NEK1: variants seen among roughly 807,000 people sequenced by gnomAD.
NEK1 encodes the protein serine/threonine-protein kinase Nek1.
Under a neutral mutation model 182.1 loss-of-function variants are expected in NEK1, and 137 were observed. That is an observed-to-expected ratio of 0.75 (90% CI 0.65 to 0.87). The LOEUF (loss-of-function observed/expected upper bound fraction) is 0.87. NEK1 is among the 40% of genes least tolerant of loss of function. The pLI, the probability that NEK1 is intolerant of heterozygous loss-of-function variation, is 0.00. For missense variants in NEK1, 1,391 were observed against 1,494.4 expected (o/e 0.93, Z 1.14); for synonymous variants, 513 against 492.2 (o/e 1.04, Z -0.56).
At position 169,602,141 on chromosome 4, in the gene NEK1, C is replaced by G. The variant is rs767969370; in HGVS notation, c.118-37G>C. 2.1e-6 allele frequency: 3 copies of G among 1,416,856 alleles called. No homozygotes were observed. The African/African-American group carries it at 4.2e-5, about 20-fold the overall frequency. 87.8% of individuals were successfully genotyped at this position (1,416,856 alleles called of 1,614,324 possible). On this transcript the variant is annotated intron_variant, in intron 3 of 35. Transcript: ENST00000507142. ...GGAAAAAGAAAATAGTAAATGAAAC[C>G]ATTAATAAACAACCTAAAAGTCCAT...
chr4:169,448,112 T>A (rs530517811), intron 27 of NEK1, among the ~76,000 whole-genome samples: 32 of 151,796 alleles, frequency 2.1e-4, no homozygotes, highest in Non-Finnish European at 3.8e-4. Flanking sequence ...ATGCTTGTAG[T>A]CCCAGCTGCT....
intron 31 of NEK1, among the ~76,000 whole-genome samples, chr4:169,422,168 C>A (rs978082853): frequency 1.1e-4 from 17 of 152,152 alleles, no homozygotes; most frequent in African/African-American, 3.6e-4. Flanking sequence ...CTGAACAGAG[C>A]CGCTTCAGTG....
intron 4 of NEK1, among the ~76,000 whole-genome samples, chr4:169,600,463 G>T (rs1317797574): frequency 6.6e-6 from 1 of 152,056 alleles, no homozygotes; most frequent in Non-Finnish European, 1.5e-5. Flanking sequence ...TCCCGAAGTT[G>T]CTGAAATTAC....
chr4:169,401,712 C>T lies in NEK1; in HGVS notation c.3523G>A (p.Val1175Met), dbSNP rs1731722530. The change falls in exon 33 of 36, where the codon GTG becomes ATG. Residue 1175 changes from valine (V) to methionine (M), a missense_variant. By Grantham distance (21) the Val-to-Met change is conservative. Coordinates refer to ENST00000507142, the MANE Select transcript of NEK1 (RefSeq NM_001199397.3). ...DVEPTANGTD[V>M]ADEDDNPSSE... ...CTGGGATTGTCATCTTCATCTGCCA[C>T]ATCTGTCCCATTTGCAGTTGGCTCC... is the stretch of plus-strand genomic sequence containing the variant. The T allele has an allele frequency of 1.9e-6, 3 of 1,613,978 alleles. No homozygotes were observed. The highest frequency in any genetic ancestry group is 2.5e-6 in the Non-Finnish European group (3 of 1,179,840).
intron 26 of NEK1, among the ~76,000 whole-genome samples, 189 bp from the exon 27 acceptor site, chr4:169,463,584 A>G (rs1388853987): frequency 2.6e-5 from 4 of 152,188 alleles, no homozygotes; most frequent in Non-Finnish European, 5.9e-5. Flanking sequence ...CAATAAAAAT[A>G]TATCTACAAT....
At chr4:169,593,023 C>T (rs1201808226) in intron 5 of NEK1, among the ~76,000 whole-genome samples, 1 of 152,020 alleles carries the variant, frequency 6.6e-6, no homozygotes, top group Admixed American at 6.6e-5. Flanking sequence ...ATCTTAGAAA[C>T]CACTCATGTC....
At chr4:169,499,656 C>T (rs912441521) in intron 23 of NEK1, among the ~76,000 whole-genome samples, 2 of 152,190 alleles carry the variant, frequency 1.3e-5, no homozygotes, top group Non-Finnish European at 2.9e-5. Context: ...TTGGAGTTTG[C>T]TGGAGATCCA....
At chr4:169,508,060 C>G (rs555702042) in intron 21 of NEK1, among the ~76,000 whole-genome samples, 188 bp downstream of exon 21, 2 of 152,294 alleles carry the variant, frequency 1.3e-5, no homozygotes, top group South Asian at 4.1e-4. Context: ...TTCTCTGGAA[C>G]AAATGGTCTT....
chr4:169,463,197 T>C (rs1283522860), intron 27 of NEK1, 46 bp downstream of exon 27: 2 of 1,062,990 alleles, frequency 1.9e-6, no homozygotes, highest in South Asian at 6.5e-5. Context: ...ATTAGATTTT[T>C]AATAATATTA....
chr4:169,604,266 C>T (rs1770971662), intron 2 of NEK1, among the ~76,000 whole-genome samples: 1 of 152,072 alleles, frequency 6.6e-6, no homozygotes. Flanking sequence ...TGATTAAGGT[C>T]ATTAGTATCT....
chr4:169,494,429 G>A (rs376042617), intron 23 of NEK1, among the ~76,000 whole-genome samples: 8 of 152,098 alleles, frequency 5.3e-5, no homozygotes, highest in East Asian at 1.9e-4. Context: ...ACATGAACTC[G>A]TCATTTTTGA....
At position 169,555,981 on chromosome 4, in the gene NEK1, T is replaced by C; in HGVS notation, c.1381A>G (p.Asn461Asp). 6.2e-7 allele frequency: 1 copy of C among 1,613,792 alleles called. No individual in the cohort carries two copies. Among genetic ancestry groups the C allele is most frequent in the South Asian group, 1.1e-5 (1 of 91,032 alleles). ...ATTTCTCTTTTCCATTTAGCTTCAT[T>C]ATCTTCTGCTCTTTGTTGCTGCATT... ...DQMQQQRAED[N>D]EAKWKREIYG... Residue 461 changes from asparagine to aspartate, a missense_variant, in exon 17 of 36, where the codon AAT becomes GAT. This residue lies in a region of NEK1 where 1,216 missense variants were observed against 1,277.6 expected (regional missense o/e 0.95). Transcript: ENST00000507142.
chr4:169,538,768 TAA>T (rs35411210), intron 18 of NEK1, among the ~76,000 whole-genome samples: 6,235 of 152,192 alleles, frequency 0.041, 168 homozygotes, highest in African/African-American at 0.063. Context: ...AAACTTCCTA[TAA>T]AGACTTTCTT....
chr4:169,418,811 G>C (rs900715182), intron 31 of NEK1, among the ~76,000 whole-genome samples: 3 of 152,106 alleles, frequency 2.0e-5, no homozygotes, highest in East Asian at 1.9e-4. Flanking sequence ...AGTAGAGAGA[G>C]AGAAAAAATA....
chr4:169,540,048 T>C (rs1759160641), intron 18 of NEK1, among the ~76,000 whole-genome samples: 1 of 152,158 alleles, frequency 6.6e-6, no homozygotes, highest in South Asian at 2.1e-4. Context: ...GCTCTATGTA[T>C]TTATATGATT....
chr4:169,443,742 A>C (rs1739980392), intron 27 of NEK1, among the ~76,000 whole-genome samples: 1 of 152,150 alleles, frequency 6.6e-6, no homozygotes, highest in Non-Finnish European at 1.5e-5. Flanking sequence ...TCAGACAGTT[A>C]AAAGTCAAAG....
At chr4:169,571,179 AAAATAAATAAATAAATAAAT>A (rs56050357) in intron 12 of NEK1, among the ~76,000 whole-genome samples, 6 of 143,368 alleles carry the variant, frequency 4.2e-5, no homozygotes, top group African/African-American at 7.6e-5. Context: ...GATCAATAAA[AAAATAAATAAATAAATAAAT>A]AAATAAATAA....
In NEK1 at chr4:169,422,857, G is replaced by A. The variant is rs61665664; in HGVS notation, c.3222+1696C>T. 4.9e-3 allele frequency among the ~76,000 whole-genome samples: 745 copies of A among 152,210 alleles called. 8 individuals carry two copies. The highest frequency in any genetic ancestry group is 0.017 in the African/African-American group (693 of 41,528). Reference sequence around the variant, plus strand: ...ATGGCAATAGGTATTAAGAAGCTCTGAGCTAAAGATGGCTATACATCTTTA... The same window carrying A: ...ATGGCAATAGGTATTAAGAAGCTCTAAGCTAAAGATGGCTATACATCTTTA... On this transcript the variant is annotated intron_variant, in intron 31 of 35. Coordinates refer to ENST00000507142, the MANE Select transcript of NEK1 (RefSeq NM_001199397.3).
chr4:169,577,893 G>C (rs1765971640), intron 11 of NEK1, among the ~76,000 whole-genome samples: 1 of 151,932 alleles, frequency 6.6e-6, no homozygotes, highest in African/African-American at 2.4e-5. Context: ...TTCATATAAT[G>C]TCTGAATGGT....
Sources: allele counts gnomAD v4.1 joint callset (sites outside exome capture counted in the v4.1 genomes callset), GRCh38; gene constraint gnomAD v4.1.1; regional missense constraint gnomAD v4.1.1; transcripts MANE v1.5; gene names NCBI Gene and HGNC (gene_info 2026-07-23, HGNC 2026-07-21).